The following BCL6 variants were observed in gnomAD, a reference collection of about 807,000 sequenced individuals.
The protein encoded by BCL6 is B-cell lymphoma 6 protein.
In BCL6, 7 loss-of-function variants were observed where a neutral mutation model predicts 59.5. The ratio of observed to expected loss-of-function variants is 0.12; its 90% CI spans 0.07 to 0.22. The LOEUF is 0.22. Ranked by LOEUF, BCL6 falls within the 10% of genes least tolerant of loss-of-function variation. The pLI, the probability that BCL6 is intolerant of heterozygous loss-of-function variation, is 1.00. For synonymous variants in BCL6, 339 were observed against 349.7 expected, an observed-to-expected ratio of 0.97 and a Z score of 0.34; for missense variants, 685 against 939.4, an observed-to-expected ratio of 0.73 and a Z score of 3.54.
intron 4 of BCL6, among the ~76,000 whole-genome samples, chr3:187,730,234 A>T (rs1718974567): frequency 6.6e-6 from 1 of 152,188 alleles, no homozygotes; most frequent in African/African-American, 2.4e-5. Context: ...CAGAGAAGGG[A>T]AGTGAGTTTC....
At chr3:187,723,531 G>A (rs1454988839) in intron 9 of BCL6, among the ~76,000 whole-genome samples, 1 of 152,200 alleles carries the variant, frequency 6.6e-6, no homozygotes, top group Non-Finnish European at 1.5e-5. Flanking sequence ...GGTGCGGGTA[G>A]GAGCCCTCAG....
Position 187,725,731 on chromosome 3 carries a change from C to T in BCL6, c.1709-102G>A. The T allele has an allele frequency of 1.4e-6, 2 of 1,431,180 alleles. No individual in the cohort carries two copies. The highest frequency in any genetic ancestry group is 1.9e-6 in the Non-Finnish European group (2 of 1,048,402). The allele number at this position is 1,431,180 out of a possible 1,614,324, so 88.7% of individuals were successfully genotyped here. ...CTAAGCAGCCTGCTCCTCCCTGAGG[C>T]CACTTGTGTTTTCCTTTCCCTTAGG... is the stretch of plus-strand genomic sequence containing the variant. On this transcript the variant is annotated intron_variant, in intron 7 of 9. Coordinates refer to ENST00000406870, the MANE Select transcript of BCL6 (RefSeq NM_001706.5). The surrounding 1 kb of genome is among the most constrained non-coding windows in gnomAD (Gnocchi z 4.7).
In BCL6 at chr3:187,722,023, A is replaced by G. The variant is rs1183063809; in HGVS notation, c.*435T>C. The G allele has an allele frequency of 4.6e-6, 1 of 219,532 alleles. No individual in the cohort carries two copies. The highest frequency in any genetic ancestry group is 9.1e-6 in the Non-Finnish European group (1 of 110,048). 13.6% of individuals were successfully genotyped at this position (219,532 alleles called of 1,614,324 possible). A position where few individuals can be genotyped will look rare whatever the true frequency, so the allele number is the denominator to read the frequency against. ...TATTCCTTCACCTTTGGTTAAAAAAATTAAAGCCCTCTCTTTGACAACATA... is the reference window on the plus strand; with the variant it reads ...TATTCCTTCACCTTTGGTTAAAAAAGTTAAAGCCCTCTCTTTGACAACATA... On this transcript the variant is annotated 3_prime_UTR_variant, in exon 10 of 10. Transcript: ENST00000406870.
Position 187,728,540 on chromosome 3 carries a change from T to C in BCL6, c.1360A>G (p.Met454Val), listed in dbSNP as rs775772146. Reference protein sequence around the residue: ...SRLNNIVNRSMTGSPRSSSES... With the variant: ...SRLNNIVNRSVTGSPRSSSES... The stretch of plus-strand genomic sequence containing the variant: ...CTGCTGCTGCGGGGAGAGCCCGTCA[T>C]GGACCTATGGACAGGAGTAAAAACA... The change falls in exon 6 of 10, where the codon ATG (methionine) becomes GTG (valine). Residue 454 changes from methionine (M) to valine (V), a missense_variant. By Grantham distance (21) the Met-to-Val change is conservative (BLOSUM62 1). Transcript: ENST00000406870. 47 of 1,600,900 alleles carry C rather than the reference T, an allele frequency of 2.9e-5. No individual in the cohort carries two copies. Among genetic ancestry groups the C allele is most frequent in the Non-Finnish European group, 3.9e-5 (46 of 1,176,420 alleles).
chr3:187,730,530 G>C (rs1718991117), intron 4 of BCL6, among the ~76,000 whole-genome samples: 1 of 152,200 alleles, frequency 6.6e-6, no homozygotes, highest in Non-Finnish European at 1.5e-5. Flanking sequence ...GAAAGAACTT[G>C]TCCCAGATGC....
chr3:187,743,419 A>C (rs890459960), intron 1 of BCL6, among the ~76,000 whole-genome samples: 5 of 151,934 alleles, frequency 3.3e-5, no homozygotes, highest in East Asian at 1.9e-4. Flanking sequence ...GACTTTCAGC[A>C]CCTGGTTTGG....
intron 1 of BCL6, among the ~76,000 whole-genome samples, chr3:187,739,091 T>C (rs1268253071): frequency 6.6e-6 from 1 of 152,136 alleles, no homozygotes; most frequent in Non-Finnish European, 1.5e-5. Context: ...CCTCCCGATT[T>C]GGAGAATGCC....
chr3:187,734,535 C>G (rs1449507951), intron 2 of BCL6: 1 of 152,202 alleles, frequency 6.6e-6, no homozygotes, highest in Non-Finnish European at 1.5e-5. Flanking sequence ...TCATAGGTAT[C>G]TTATTTCATC....
At chr3:187,744,502 G>C (rs570031029) in intron 1 of BCL6, among the ~76,000 whole-genome samples, 1 of 152,204 alleles carries the variant, frequency 6.6e-6, no homozygotes, top group African/African-American at 2.4e-5. Context: ...AAAACACTCG[G>C]CTCTCATTAG....
intron 4 of BCL6, among the ~76,000 whole-genome samples, 165 bp downstream of exon 4, chr3:187,731,544 C>T (rs1328579083): frequency 6.6e-6 from 1 of 152,076 alleles, no homozygotes. Context: ...TTAAGTCTGC[C>T]TGGGGCACAA....
At chr3:187,741,356 C>T (rs1711586375) in intron 1 of BCL6, among the ~76,000 whole-genome samples, 1 of 152,062 alleles carries the variant, frequency 6.6e-6, no homozygotes, top group African/African-American at 2.4e-5. Context: ...TGGCACTCGA[C>T]AGTATTGGCA....
intron 1 of BCL6, among the ~76,000 whole-genome samples, chr3:187,740,312 C>T (rs1283985973): frequency 1.3e-5 from 2 of 152,028 alleles, no homozygotes; most frequent in Non-Finnish European, 2.9e-5. Context: ...AGAATCGAGG[C>T]TCGCCCTGCA....
chr3:187,740,496 C>CA (rs1249974242), intron 1 of BCL6, among the ~76,000 whole-genome samples: 1 of 152,128 alleles, frequency 6.6e-6, no homozygotes, highest in African/African-American at 2.4e-5. Context: ...TGAACACTGG[C>CA]AACAAAGGTG....
Position 187,729,499 on chromosome 3 carries a change from T to G in BCL6, c.906A>C (p.Glu302Asp). ...PYFPCDKASKEEERPSSEDEI... is the reference protein window; with the variant it reads ...PYFPCDKASKDEERPSSEDEI... ...CATCTTCCGAGGAGGGTCTCTCTTC[T>G]TCTTTGCTGGCCTTGTCACAAGGGA... The change falls in exon 5 of 10, where the codon GAA becomes GAC. Residue 302 changes from glutamate (E) to aspartate (D), a missense_variant. Physicochemically the swap from Glu to Asp is conservative, Grantham distance 45. This residue lies in a region of BCL6 where 268 missense variants were observed against 263.8 expected (regional missense o/e 1.02). Transcript: ENST00000406870. The surrounding 1 kb of genome is among the most constrained non-coding windows in gnomAD (Gnocchi z 5.6). 2 of 1,613,534 alleles carry G rather than the reference T, an allele frequency of 1.2e-6. No individual in the cohort carries two copies. The highest frequency in any genetic ancestry group is 1.7e-6 in the Non-Finnish European group (2 of 1,179,774).
intron 1 of BCL6, among the ~76,000 whole-genome samples, chr3:187,744,538 A>C (rs750304488): frequency 6.6e-6 from 1 of 152,324 alleles, no homozygotes; most frequent in African/African-American, 2.4e-5. Context: ...GAAAGGAAAT[A>C]GTAGACACGA....
At position 187,721,482 on chromosome 3, in the gene BCL6, A is replaced by G. The variant is rs2108552028; in HGVS notation, c.*976T>C. 4.3e-6 allele frequency: 1 copy of G among 233,118 alleles called. No homozygotes were observed. The highest frequency in any genetic ancestry group is 8.5e-6 in the Non-Finnish European group (1 of 117,612). The allele number at this position is 233,118 out of a possible 1,614,324, so 14.4% of individuals were successfully genotyped here. ...AAACCCTGTCTCCGGAGTAGTTATA[A>G]CACAAGCATGACGCAGAATGGGATG... is the stretch of plus-strand genomic sequence containing the variant. On this transcript the variant is annotated 3_prime_UTR_variant, in exon 10 of 10. Transcript: ENST00000406870. This position sits in a 1 kb window ranked among gnomAD's most constrained non-coding sequence, Gnocchi z 4.2.
At chr3:187,743,527 T>G (rs1054771425) in intron 1 of BCL6, among the ~76,000 whole-genome samples, 2 of 152,046 alleles carry the variant, frequency 1.3e-5, no homozygotes, top group Non-Finnish European at 1.5e-5. Flanking sequence ...GGGTCTTTTT[T>G]CATTTTTTTA....
chr3:187,731,733 G>T lies in BCL6; in HGVS notation c.359C>A (p.Thr120Asn). The change falls in exon 4 of 10, where the codon ACT (threonine) becomes AAT (asparagine). Residue 120 changes from threonine to asparagine, a missense_variant. Thr to Asn is a moderately conservative substitution (Grantham distance 65). Coordinates refer to ENST00000406870, the MANE Select transcript of BCL6 (RefSeq NM_001706.5). Reference protein sequence around the residue: ...MYLQMEHVVDTCRKFIKASEA... With the variant: ...MYLQMEHVVDNCRKFIKASEA... Reference sequence around the variant, plus strand: ...CCTGGCCTTAATAAACTTCCGGCAAGTGTCCACAACATGCTCCATCTGCAG... The same window carrying T: ...CCTGGCCTTAATAAACTTCCGGCAATTGTCCACAACATGCTCCATCTGCAG... The T allele has an allele frequency of 6.2e-7, 1 of 1,614,168 alleles. No individual in the cohort carries two copies. Among genetic ancestry groups the T allele is most frequent in the Non-Finnish European group, 8.5e-7 (1 of 1,180,034 alleles).
chr3:187,742,524 T>G (rs1414998189), intron 1 of BCL6, among the ~76,000 whole-genome samples: 3 of 152,228 alleles, frequency 2.0e-5, no homozygotes, highest in Non-Finnish European at 2.9e-5. Context: ...GTCGCCCAGT[T>G]TTTATGAACA....
Sources: gnomAD v4.1 joint callset for allele counts (sites outside exome capture counted in the v4.1 genomes callset) on GRCh38, gnomAD v4.1.1 for gene constraint, gnomAD v4.1.1 regional missense constraint, Gnocchi (gnomAD v3.1) non-coding constraint, MANE v1.5 for transcripts, NCBI Gene and HGNC (gene_info 2026-07-23, HGNC 2026-07-21) for gene names.